TSPEAR: variants seen among roughly 807,000 people sequenced by gnomAD.
TSPEAR encodes the protein thrombospondin-type laminin G domain and EAR repeat-containing protein.
A neutral mutation model predicts 71.6 loss-of-function variants in TSPEAR; 69 were observed. The observed-to-expected ratio is 0.96, with a 90% CI of 0.79 to 1.18. TSPEAR has a LOEUF of 1.18. Among genes scored for constraint, TSPEAR ranks in the 50% most tolerant of loss-of-function variants. TSPEAR has a pLI of 0.00. For missense variants in TSPEAR, 971 were observed against 894.9 expected, an observed-to-expected ratio of 1.09 and a Z score of -1.09; for synonymous variants, 402 against 387.2, an observed-to-expected ratio of 1.04 and a Z score of -0.45.
chr21:44,540,320 T>C (rs1555917091), intron 2 of TSPEAR: 1 of 1,120,276 alleles, frequency 8.9e-7, no homozygotes, highest in African/African-American at 1.6e-5. Flanking sequence ...CCTTCCTGGT[T>C]GCTGAGAGGT....
At chr21:44,654,531 G>T (rs200919778) in intron 1 of TSPEAR, 2 of 1,612,610 alleles carry the variant, frequency 1.2e-6, no homozygotes, top group East Asian at 2.2e-5. Context: ...CATAGCCCTC[G>T]GGTGGGTAGC....
intron 1 of TSPEAR, among the ~76,000 whole-genome samples, chr21:44,692,067 A>C (rs116828987): frequency 0.014 from 2,149 of 152,328 alleles, 59 homozygotes; most frequent in African/African-American, 0.045. Context: ...AAAAATAATC[A>C]ATGTAGTATA....
At chr21:44,529,327 C>T (rs1204559291) in intron 5 of TSPEAR, among the ~76,000 whole-genome samples, 2 of 152,188 alleles carry the variant, frequency 1.3e-5, no homozygotes, top group Admixed American at 6.5e-5. Flanking sequence ...CGGGGAGGCC[C>T]TCTGGGCCGG....
At chr21:44,550,742 GC>G in intron 2 of TSPEAR, 1 of 1,614,192 alleles carries the variant, frequency 6.2e-7, no homozygotes, top group Non-Finnish European at 8.5e-7. Flanking sequence ...CTGGGCGGGA[GC>G]ACACGGGGCG....
In TSPEAR at chr21:44,612,812, A is replaced by T; in HGVS notation, c.83-44807T>A. ...TGTCCCTGCCTCCTCCTGCCAGCCCAGCTGCTGCCACCCGGCCTCCTGCCT... is the reference window on the plus strand; with the variant it reads ...TGTCCCTGCCTCCTCCTGCCAGCCCTGCTGCTGCCACCCGGCCTCCTGCCT... On this transcript the variant is annotated intron_variant, in intron 1 of 11. Transcript: ENST00000323084. The surrounding 1 kb of genome is among the most constrained non-coding windows in gnomAD (Gnocchi z 4.1). 1 of 1,612,030 alleles carries T rather than the reference A, an allele frequency of 6.2e-7. No individual in the cohort carries two copies.
At chr21:44,525,207 C>T (rs1601362697) in intron 8 of TSPEAR, among the ~76,000 whole-genome samples, 3 of 152,064 alleles carry the variant, frequency 2.0e-5, no homozygotes, top group Admixed American at 2.0e-4. Flanking sequence ...TGTAGTTGGT[C>T]ATTCAGGTCG....
At position 44,627,369 on chromosome 21, in the gene TSPEAR, C is replaced by A. The variant is rs782794352; in HGVS notation, c.83-59364G>T. On this transcript the variant is annotated intron_variant, in intron 1 of 11. Coordinates refer to ENST00000323084, the MANE Select transcript of TSPEAR (RefSeq NM_144991.3). ...GCCAGGTGACCTGTGAGCCCAGCCC[C>A]TGCCAATCAGGCTGCACCAGCTCCT... 12 of 1,613,760 alleles carry A rather than the reference C, an allele frequency of 7.4e-6. No individual in the cohort carries two copies. The African/African-American group carries it at 1.5e-4, about 20-fold the overall frequency.
At chr21:44,675,801 A>T (rs1162816005) in intron 1 of TSPEAR, 1 of 563,094 alleles carries the variant, frequency 1.8e-6, no homozygotes, top group Non-Finnish European at 3.2e-6. Context: ...CCTTGCGGCA[A>T]ACCCTTCATG....
At chr21:44,535,003 C>T (rs587644227) in intron 2 of TSPEAR, among the ~76,000 whole-genome samples, 1 of 152,258 alleles carries the variant, frequency 6.6e-6, no homozygotes, top group East Asian at 1.9e-4. Flanking sequence ...GGATGTTCCA[C>T]TTATATGAGG....
intron 9 of TSPEAR, among the ~76,000 whole-genome samples, chr21:44,521,610 GC>G (rs1378178162): frequency 6.6e-6 from 1 of 152,248 alleles, no homozygotes; most frequent in Non-Finnish European, 1.5e-5. Context: ...CCAGGGTGGG[GC>G]AGAGCCAGGG....
chr21:44,680,013 C>T (rs1986503434), intron 1 of TSPEAR, among the ~76,000 whole-genome samples: 1 of 152,122 alleles, frequency 6.6e-6, no homozygotes, highest in Admixed American at 6.5e-5. Context: ...AAAACACAGG[C>T]AACAAAAACC....
At chr21:44,633,838 C>T (rs28817630) in intron 1 of TSPEAR, among the ~76,000 whole-genome samples, 99,688 of 152,016 alleles carry the variant, frequency 0.66, 32,836 homozygotes, top group Admixed American at 0.7. Context: ...AGTCTTCAAA[C>T]ATTATTGTTG....
chr21:44,576,882 C>T (rs746775527), intron 1 of TSPEAR, among the ~76,000 whole-genome samples: 8 of 152,068 alleles, frequency 5.3e-5, no homozygotes, highest in Non-Finnish European at 1.0e-4. Flanking sequence ...CATAAACCAC[C>T]GGAGAGGCCT....
At chr21:44,540,202 G>A in intron 2 of TSPEAR, 1 of 1,590,228 alleles carries the variant, frequency 6.3e-7, no homozygotes, top group South Asian at 1.2e-5. Context: ...GTGAGTGTGG[G>A]AGTCAGTGTG....
In TSPEAR at chr21:44,527,519, C is replaced by G; in HGVS notation, c.923-1G>C. 6.2e-7 allele frequency: 1 copy of G among 1,614,046 alleles called. No individual in the cohort carries two copies. Among genetic ancestry groups the G allele is most frequent in the Non-Finnish European group, 8.5e-7 (1 of 1,179,890 alleles). On this transcript the variant is annotated splice_acceptor_variant, in intron 6 of 11. Transcript: ENST00000323084. LOFTEE classifies it high-confidence loss of function. ...TCCACGTAGTCCAGTCTTTCTTTGG[C>G]TTGTGATAGAAACGTTGTGACTCGG...
At chr21:44,512,906 T>TG (rs1242796148) in intron 9 of TSPEAR, among the ~76,000 whole-genome samples, 3 of 152,204 alleles carry the variant, frequency 2.0e-5, no homozygotes, top group South Asian at 4.1e-4. Flanking sequence ...CAGACAGGCC[T>TG]GGGGGGCCGG....
chr21:44,539,726 C>T (rs781805325), intron 2 of TSPEAR: 16 of 1,610,178 alleles, frequency 9.9e-6, no homozygotes, highest in East Asian at 4.5e-5. Context: ...AACAGGCACA[C>T]AGCAGGACTG....
chr21:44,679,423 C>T (rs145767305), intron 1 of TSPEAR, among the ~76,000 whole-genome samples: 1 of 152,172 alleles, frequency 6.6e-6, no homozygotes, highest in Non-Finnish European at 1.5e-5. Context: ...GAAAGACATT[C>T]CATGTTCATG....
intron 1 of TSPEAR, chr21:44,702,256 G>C (rs562752434): frequency 1.2e-6 from 2 of 1,605,336 alleles, no homozygotes; most frequent in Non-Finnish European, 8.5e-7. Flanking sequence ...GCAGGTGGAC[G>C]ACTGCCCGGA....
Sources: gnomAD v4.1 joint callset for allele counts (sites outside exome capture counted in the v4.1 genomes callset) on GRCh38, gnomAD v4.1.1 for gene constraint, Gnocchi (gnomAD v3.1) non-coding constraint, MANE v1.5 for transcripts, NCBI Gene and HGNC (gene_info 2026-07-23, HGNC 2026-07-21) for gene names.